SLC19A1: variants seen among roughly 807,000 people sequenced by gnomAD.
SLC19A1 encodes solute carrier family 19 member 1.
Under a neutral mutation model 35.3 loss-of-function variants are expected in SLC19A1, and 37 were observed. The ratio of observed to expected loss-of-function variants is 1.05; its 90% confidence interval spans 0.81 to 1.38. The LOEUF (loss-of-function observed/expected upper bound fraction) is 1.38. SLC19A1 is among the 40% of genes most tolerant of loss of function. The pLI is 0.00. For missense variants in SLC19A1, 831 were observed against 826.9 expected (o/e 1.00, Z -0.06); for synonymous variants, 460 against 398.5 (o/e 1.15, Z -1.84).
rs766463630 is a variant in SLC19A1, at chr21:45,516,077, C to G, written c.1357G>C (p.Asp453His). 3.8e-6 allele frequency: 6 copies of G among 1,598,536 alleles called. No individual in the cohort carries two copies. In the African/African-American group the frequency reaches 8.0e-5, roughly 21 times the overall value. The change falls in exon 6 of 6, where the codon GAT (aspartate) becomes CAT (histidine). Residue 453 changes from aspartate (D) to histidine (H), a missense_variant. By Grantham distance (81) the Asp-to-His change is moderately conservative. Transcript: ENST00000311124. ...SIIYFLGAML[D>H]GLRHCQRGHH... ...CCCCGCTGGCAGTGCCGCAGGCCATCCAGCATGGCCCCCAAGAAGTAGATG... is the reference window on the plus strand; with the variant it reads ...CCCCGCTGGCAGTGCCGCAGGCCATGCAGCATGGCCCCCAAGAAGTAGATG...
intron 1 of SLC19A1, among the ~76,000 whole-genome samples, chr21:45,556,829 G>A (rs1258178979): frequency 6.6e-6 from 1 of 152,230 alleles, no homozygotes; most frequent in African/African-American, 2.4e-5. Flanking sequence ...TGGCATGGGA[G>A]TCCTGTGGCC....
intron 1 of SLC19A1, among the ~76,000 whole-genome samples, chr21:45,555,768 G>A (rs921905990): frequency 8.5e-5 from 13 of 152,216 alleles, no homozygotes; most frequent in Admixed American, 3.9e-4. Flanking sequence ...CCCACGCAGA[G>A]TTCCGCGCCA....
chr21:45,561,074 T>G (rs972258508), intron 1 of SLC19A1, among the ~76,000 whole-genome samples: 2 of 152,214 alleles, frequency 1.3e-5, no homozygotes, highest in Non-Finnish European at 2.9e-5. Flanking sequence ...TTTCCCTGCC[T>G]TGCGAACCAC....
rs767540498 is a variant in SLC19A1 at position 45,531,912 on chromosome 21, A to G, written c.426T>C (p.Ser142=). ...ARIAYSSYIF[S]LVRPARYQRV... is the part of the protein sequence containing the mutation. ...GCTGGTAGCGCGCGGGCCGCACGAG[A>G]GAGAAGATGTAGGAGGAATAGGCGA... Residue 142 remains serine (S), a synonymous_variant, in exon 3 of 6, where the codon TCT becomes TCC. Coordinates refer to ENST00000311124, the MANE Select transcript of SLC19A1 (RefSeq NM_194255.4). 1.3e-6 allele frequency: 2 copies of G among 1,595,412 alleles called. No homozygotes were observed. Among genetic ancestry groups the G allele is most frequent in the Non-Finnish European group, 1.7e-6 (2 of 1,171,740 alleles).
At chr21:45,507,777 C>T (rs2037311837), downstream of SLC19A1, among the ~76,000 whole-genome samples, 1 of 152,150 alleles carries the variant, frequency 6.6e-6, no homozygotes, top group Non-Finnish European at 1.5e-5. Flanking sequence ...CAGCGCTGGC[C>T]CCCCAGTACC....
chr21:45,512,824 GC>G lies in SLC19A1; in HGVS notation c.*2833del. The G allele has an allele frequency of 3.4e-6, 1 of 290,874 alleles. No homozygotes were observed. Among genetic ancestry groups the G allele is most frequent in the Non-Finnish European group, 6.7e-6 (1 of 150,086 alleles). The allele number at this position is 290,874 out of a possible 1,614,324, so 18.0% of individuals were successfully genotyped here. ...AAAACCCAGACCTGTTAGCAGACAG[GC>G]CCCGTGAGGCAATGGGAGCTGAGGC... On this transcript the variant is annotated 3_prime_UTR_variant, in exon 6 of 6. Coordinates refer to ENST00000311124, the MANE Select transcript of SLC19A1 (RefSeq NM_194255.4).
intron 3 of SLC19A1, among the ~76,000 whole-genome samples, chr21:45,505,684 T>G (rs979890603): frequency 4.0e-5 from 6 of 151,820 alleles, no homozygotes; most frequent in Non-Finnish European, 5.9e-5. Flanking sequence ...CAGGCAGGGG[T>G]CCCCATGGTG....
At chr21:45,510,103 A>G (rs756597638), downstream of SLC19A1, 6 of 1,592,756 alleles carry the variant, frequency 3.8e-6, no homozygotes, top group Non-Finnish European at 4.3e-6. Flanking sequence ...GTCAGGCGGC[A>G]TGCGGGGCAT....
downstream of SLC19A1, chr21:45,510,127 T>A: frequency 1.3e-6 from 2 of 1,599,998 alleles, no homozygotes; most frequent in Non-Finnish European, 1.7e-6. Context: ...CGGGGCCGAC[T>A]TCCAGTGCTT....
chr21:45,560,216 C>G (rs2078601919), intron 1 of SLC19A1, among the ~76,000 whole-genome samples: 1 of 152,178 alleles, frequency 6.6e-6, no homozygotes, highest in African/African-American at 2.4e-5. Context: ...CCAGGATCCA[C>G]CCCCCAAGGA....
chr21:45,526,037 C>T (rs545133688), intron 4 of SLC19A1, 79 bp from the exon 5 acceptor site: 3 of 1,509,372 alleles, frequency 2.0e-6, no homozygotes, highest in Middle Eastern at 1.8e-4. Flanking sequence ...CAGCCCGGCT[C>T]CCACCAGCCC....
upstream of SLC19A1, among the ~76,000 whole-genome samples, chr21:45,547,882 T>A (rs189493870): frequency 3.2e-3 from 480 of 152,368 alleles, no homozygotes; most frequent in Non-Finnish European, 5.8e-3. Flanking sequence ...CATTGACAAT[T>A]GGAAGGCTCA....
Position 45,534,686 on chromosome 21 carries a change from C to A in SLC19A1, c.190-2538G>T. ...CCACCCAGAGCCCTCCCGCTCCTCT[C>A]CCTGCACCTCCTCAACGGCCCCTAC... On this transcript the variant is annotated intron_variant, in intron 2 of 5. Transcript: ENST00000311124. The surrounding 1 kb of genome is among the most constrained non-coding windows in gnomAD (Gnocchi z 4.2). 1 of 1,154,378 alleles carries A rather than the reference C, an allele frequency of 8.7e-7. No homozygotes were observed. The highest frequency in any genetic ancestry group is 2.0e-5 in the Admixed American group (1 of 48,896). The allele number at this position is 1,154,378 out of a possible 1,614,324, so 71.5% of individuals were successfully genotyped here. A position where few individuals can be genotyped will look rare whatever the true frequency, so the allele number is the denominator to read the frequency against.
chr21:45,505,417 G>C, intron 3 of SLC19A1: 1 of 1,563,824 alleles, frequency 6.4e-7, no homozygotes, highest in East Asian at 2.3e-5. Flanking sequence ...TGGAACCATG[G>C]GCGCCTCCTC....
At chr21:45,538,367 T>C (rs2078201774) in intron 1 of SLC19A1, among the ~76,000 whole-genome samples, 2 of 152,238 alleles carry the variant, frequency 1.3e-5, no homozygotes, top group South Asian at 2.1e-4. Context: ...ACTAGACTCA[T>C]GGCACTGCTG....
Position 45,513,444 on chromosome 21 carries a change from C to T in SLC19A1, c.*2214G>A, listed in dbSNP as rs1063505. 1 of 152,248 alleles carries T rather than the reference C, an allele frequency of 6.6e-6. No individual in the cohort carries two copies. The highest frequency in any genetic ancestry group is 2.4e-5 in the African/African-American group (1 of 41,462). The allele number at this position is 152,248 out of a possible 1,614,324, so 9.4% of individuals were successfully genotyped here. A position where few individuals can be genotyped will look rare whatever the true frequency, so the allele number is the denominator to read the frequency against. On this transcript the variant is annotated 3_prime_UTR_variant, in exon 6 of 6. Coordinates refer to ENST00000311124, the MANE Select transcript of SLC19A1 (RefSeq NM_194255.4). Reference sequence around the variant, plus strand: ...CCTCCTTGGGACTGAAGGGGAACCCCGGGGTGCCCACAGGCCGCCCTGCGG... The same window carrying T: ...CCTCCTTGGGACTGAAGGGGAACCCTGGGGTGCCCACAGGCCGCCCTGCGG...
intron 1 of SLC19A1, among the ~76,000 whole-genome samples, chr21:45,552,912 C>T (rs1045423437): frequency 6.6e-6 from 1 of 152,192 alleles, no homozygotes; most frequent in Non-Finnish European, 1.5e-5. Context: ...AGCAGACGGC[C>T]TCTCGCCCAG....
chr21:45,509,939 G>T, downstream of SLC19A1: 1 of 1,116,460 alleles, frequency 9.0e-7, no homozygotes, highest in Non-Finnish European at 1.3e-6. Context: ...TCACTTGCGC[G>T]CCTCCCGCTC....
Position 45,512,750 on chromosome 21 carries a change from C to T in SLC19A1, c.*2908G>A. The T allele has an allele frequency of 2.6e-6, 1 of 379,600 alleles. No homozygotes were observed. Among genetic ancestry groups the T allele is most frequent in the South Asian group, 2.3e-5 (1 of 43,496 alleles). 23.5% of individuals were successfully genotyped at this position (379,600 alleles called of 1,614,324 possible). On this transcript the variant is annotated 3_prime_UTR_variant, in exon 6 of 6. Transcript: ENST00000311124. The stretch of plus-strand genomic sequence containing the variant: ...CCTGCTTTGGGAAGCCGTGCTCGCC[C>T]CAGCAGGTGCTGACTTCATCTCCCA...
Sources: gnomAD v4.1 joint callset for allele counts (sites outside exome capture counted in the v4.1 genomes callset) on GRCh38, gnomAD v4.1.1 for gene constraint, Gnocchi (gnomAD v3.1) non-coding constraint, MANE v1.5 for transcripts, NCBI Gene and HGNC (gene_info 2026-07-23, HGNC 2026-07-21) for gene names.